Variants in TBPL1 observed in about 807,000 individuals in gnomAD.
The protein encoded by TBPL1 is TATA box-binding protein-like 1.
A neutral mutation model predicts 22.1 loss-of-function variants in TBPL1; 4 were observed. The observed-to-expected ratio is 0.18, with a 90% CI of 0.09 to 0.41. The LOEUF (loss-of-function observed/expected upper bound fraction) is 0.41. Ranked by LOEUF, TBPL1 falls within the 10% of genes least tolerant of loss-of-function variation. The pLI is 1.00. For synonymous variants in TBPL1, 64 were observed against 71.0 expected, an observed-to-expected ratio of 0.90 and a Z score of 0.50; for missense variants, 115 against 222.3, an observed-to-expected ratio of 0.52 and a Z score of 3.07.
rs1776561977 is a variant in TBPL1 at position 133,987,945 on chromosome 6, C to T, written c.*905C>T. The T allele has an allele frequency of 6.6e-6, 1 of 152,100 alleles. No individual in the cohort carries two copies. Among genetic ancestry groups the T allele is most frequent in the Non-Finnish European group, 1.5e-5 (1 of 67,990 alleles). 9.4% of individuals were successfully genotyped at this position (152,100 alleles called of 1,614,324 possible). On this transcript the variant is annotated 3_prime_UTR_variant, in exon 7 of 7. Coordinates refer to ENST00000237264, the MANE Select transcript of TBPL1 (RefSeq NM_004865.4). ...TGTGATGAATGGTGCCTCATTTGGA[C>T]CTTTGTTTTTCTGGAAAGACTCAAC...
At chr6:133,962,559 G>A (rs750557362) in intron 1 of TBPL1, among the ~76,000 whole-genome samples, 11 of 152,264 alleles carry the variant, frequency 7.2e-5, no homozygotes, top group Admixed American at 2.0e-4. Context: ...TTCTTGAGGT[G>A]CTTAATGAGT....
Position 133,988,158 on chromosome 6 carries a change from T to A in TBPL1, c.*1118T>A, listed in dbSNP as rs1776564709. ...ACTTGAATTTGAAAGCCATTTTGTG[T>A]GATACTGTCCTTCCCCTTGCTGTAT... is the stretch of plus-strand genomic sequence containing the variant. On this transcript the variant is annotated 3_prime_UTR_variant, in exon 7 of 7. Coordinates refer to ENST00000237264, the MANE Select transcript of TBPL1 (RefSeq NM_004865.4). 6.6e-6 allele frequency: 1 copy of A among 152,214 alleles called. No individual in the cohort carries two copies. The highest frequency in any genetic ancestry group is 1.5e-5 in the Non-Finnish European group (1 of 68,032). 9.4% of individuals were successfully genotyped at this position (152,214 alleles called of 1,614,324 possible). A position where few individuals can be genotyped will look rare whatever the true frequency, so the allele number is the denominator to read the frequency against.
chr6:133,963,974 G>C (rs1429326490), intron 1 of TBPL1, among the ~76,000 whole-genome samples: 1 of 152,108 alleles, frequency 6.6e-6, no homozygotes, highest in Admixed American at 6.5e-5. Context: ...CTGGGAGGCG[G>C]AGGTTGCAAT....
chr6:133,970,615 T>TG lies in TBPL1; in HGVS notation c.-44-9467_-44-9466insG, dbSNP rs201582511. Among the ~76,000 whole-genome samples, 1,093 of 141,722 alleles carry TG rather than the reference T, an allele frequency of 7.7e-3. 11 individuals are homozygous for TG. The Middle Eastern group carries it at 0.089, about 12-fold the overall frequency. The allele number at this position is 141,722 out of a possible 152,430, so 93.0% of individuals were successfully genotyped here. A position where few individuals can be genotyped will look rare whatever the true frequency, so the allele number is the denominator to read the frequency against. ...AGGTTTGTTTTTGTTTTGTTTTTGC[T>TG]TTTTTTTTTTTGAGACAGGGTCTCA... On this transcript the variant is annotated intron_variant, in intron 1 of 6. Transcript: ENST00000237264.
chr6:133,955,032 T>G (rs910023992), intron 1 of TBPL1, among the ~76,000 whole-genome samples: 1 of 152,108 alleles, frequency 6.6e-6, no homozygotes, highest in African/African-American at 2.4e-5. Context: ...TTAAGTTGCA[T>G]TTTAAGACAT....
intron 6 of TBPL1, chr6:133,986,018 A>G (rs535217262): frequency 2.0e-4 from 31 of 152,338 alleles, no homozygotes; most frequent in African/African-American, 7.5e-4. Context: ...ATTAAACAAA[A>G]CAATAACAAA....
At chr6:133,961,974 G>T (rs1776032909) in intron 1 of TBPL1, among the ~76,000 whole-genome samples, 1 of 152,132 alleles carries the variant, frequency 6.6e-6, no homozygotes, top group Admixed American at 6.5e-5. Context: ...TGTATTCCCA[G>T]TGTCTACCCG....
intron 1 of TBPL1, among the ~76,000 whole-genome samples, chr6:133,977,956 A>G (rs1776343036): frequency 6.6e-6 from 1 of 152,240 alleles, no homozygotes; most frequent in Non-Finnish European, 1.5e-5. Flanking sequence ...TAGACTTCCC[A>G]GAGGATACAT....
At chr6:133,976,967 C>CAAAAAAAAAAAAAAAGAAAAA (rs1776324594) in intron 1 of TBPL1, among the ~76,000 whole-genome samples, 1 of 62,174 alleles carries the variant, frequency 1.6e-5, no homozygotes. Flanking sequence ...GACTTGGTCT[C>CAAAAAAAAAAAAAAAGAAAAA]AAAAAAAAAA....
At chr6:133,965,018 A>C (rs1776094817) in intron 1 of TBPL1, among the ~76,000 whole-genome samples, 1 of 152,228 alleles carries the variant, frequency 6.6e-6, no homozygotes, top group Non-Finnish European at 1.5e-5. Context: ...GAAATAAATC[A>C]GAATATAGAG....
At position 133,981,196 on chromosome 6, in the gene TBPL1, C is replaced by A. The variant is rs1004307511; in HGVS notation, c.135+936C>A. Among the ~76,000 whole-genome samples, 5 of 152,144 alleles carry A rather than the reference C, an allele frequency of 3.3e-5. No homozygotes were observed. In the East Asian group the frequency reaches 9.6e-4, roughly 29 times the overall value. On this transcript the variant is annotated intron_variant, in intron 2 of 6. Transcript: ENST00000237264. ...CCGTGTTGGCCAGGATGGTCTCAAT[C>A]TCTTGACCTTGTGATCCACCCACCT...
At chr6:133,961,636 T>A (rs1248061825) in intron 1 of TBPL1, among the ~76,000 whole-genome samples, 1 of 151,830 alleles carries the variant, frequency 6.6e-6, no homozygotes, top group Non-Finnish European at 1.5e-5. Flanking sequence ...CCCGACTAGT[T>A]TTTGTATTTA....
intron 1 of TBPL1, among the ~76,000 whole-genome samples, chr6:133,960,971 T>C (rs1776013013): frequency 6.6e-6 from 1 of 152,246 alleles, no homozygotes; most frequent in Non-Finnish European, 1.5e-5. Context: ...TTGTAAAAGC[T>C]CCTGGAACAC....
At chr6:133,958,076 T>A (rs1775957302) in intron 1 of TBPL1, among the ~76,000 whole-genome samples, 1 of 152,230 alleles carries the variant, frequency 6.6e-6, no homozygotes, top group Non-Finnish European at 1.5e-5. Flanking sequence ...CATCTGGTTA[T>A]CACTGATGGC....
chr6:133,955,355 T>C (rs1051889211), intron 1 of TBPL1, among the ~76,000 whole-genome samples: 2 of 151,568 alleles, frequency 1.3e-5, no homozygotes, highest in Non-Finnish European at 2.9e-5. Context: ...CCAACTTTGG[T>C]GGTAGTTTAG....
At chr6:133,971,142 A>T (rs1776214164) in intron 1 of TBPL1, among the ~76,000 whole-genome samples, 1 of 151,540 alleles carries the variant, frequency 6.6e-6, no homozygotes, top group Non-Finnish European at 1.5e-5. Flanking sequence ...CTTCGATGAT[A>T]ACACTTTTTT....
At chr6:133,978,996 A>AT (rs1000704557) in intron 1 of TBPL1, among the ~76,000 whole-genome samples, 1 of 152,156 alleles carries the variant, frequency 6.6e-6, no homozygotes, top group Non-Finnish European at 1.5e-5. Flanking sequence ...CAAAGAGAGA[A>AT]TTTTTTAGCT....
intron 1 of TBPL1, among the ~76,000 whole-genome samples, chr6:133,959,986 C>T (rs956324305): frequency 7.2e-5 from 11 of 152,256 alleles, no homozygotes; most frequent in Admixed American, 7.2e-4. Flanking sequence ...CAAGAACCAC[C>T]CCATCCTTTT....
At chr6:133,984,544 A>G (rs1206053208) in intron 5 of TBPL1, 33 bp from the exon 6 acceptor site, 3 of 1,609,812 alleles carry the variant, frequency 1.9e-6, no homozygotes, top group Admixed American at 1.7e-5. Flanking sequence ...CAGGGTATAA[A>G]TATTTATATT....
Sources: gnomAD v4.1 joint callset for allele counts (sites outside exome capture counted in the v4.1 genomes callset) on GRCh38, gnomAD v4.1.1 for gene constraint, MANE v1.5 for transcripts, NCBI Gene and HGNC (gene_info 2026-07-23, HGNC 2026-07-21) for gene names.